Variants in CYRIA observed in about 807,000 individuals in gnomAD.
CYRIA encodes CYFIP-related Rac1 interactor A.
A neutral mutation model predicts 43.9 loss-of-function variants in CYRIA; 15 were observed. The ratio of observed to expected loss-of-function variants is 0.34; its 90% CI spans 0.23 to 0.53. The LOEUF is 0.53. Ranked by LOEUF, CYRIA falls within the 20% of genes least tolerant of loss-of-function variation. CYRIA has a pLI of 0.94. For missense variants in CYRIA, 236 were observed against 394.2 expected, an observed-to-expected ratio of 0.60 and a Z score of 3.40; for synonymous variants, 117 against 136.0, an observed-to-expected ratio of 0.86 and a Z score of 0.97.
At chr2:16,606,677 A>G (rs1668410398) in intron 2 of CYRIA, among the ~76,000 whole-genome samples, 1 of 152,146 alleles carries the variant, frequency 6.6e-6, no homozygotes, top group Non-Finnish European at 1.5e-5. Flanking sequence ...GCAGGTGGTA[A>G]AATACAACCT....
intron 2 of CYRIA, among the ~76,000 whole-genome samples, chr2:16,622,499 C>T (rs2342438): frequency 0.98 from 149,254 of 152,318 alleles, 73,142 homozygotes; most frequent in East Asian, 1. Flanking sequence ...AAGCTATATT[C>T]AAGTAGCTCT....
In CYRIA at chr2:16,629,886, C is replaced by A. The variant is rs200654744; in HGVS notation, c.-166-5867G>T. On this transcript the variant is annotated intron_variant, in intron 1 of 11. Transcript: ENST00000381323. ...ATGTTATTCTGGGGGATGCTTAAGA[C>A]CTAGAAAAGGAAAGGATTTGTCTGA... is the stretch of plus-strand genomic sequence containing the variant. Among the ~76,000 whole-genome samples the A allele has an allele frequency of 5.3e-5, 8 of 152,218 alleles. No homozygotes were observed. The East Asian group carries it at 1.5e-3, about 29-fold the overall frequency.
intron 10 of CYRIA, among the ~76,000 whole-genome samples, chr2:16,557,845 T>C (rs1173530538): frequency 6.6e-6 from 1 of 152,154 alleles, no homozygotes; most frequent in Non-Finnish European, 1.5e-5. Context: ...CAAATGGCTA[T>C]GGTAATGAGA....
At chr2:16,625,486 G>T (rs1669134014) in intron 1 of CYRIA, among the ~76,000 whole-genome samples, 1 of 152,218 alleles carries the variant, frequency 6.6e-6, no homozygotes, top group African/African-American at 2.4e-5. Flanking sequence ...GGCTTGATGA[G>T]AAAGTGATTT....
intron 3 of CYRIA, among the ~76,000 whole-genome samples, chr2:16,574,475 G>T (rs989320689): frequency 3.9e-5 from 6 of 152,236 alleles, no homozygotes; most frequent in Non-Finnish European, 7.3e-5. Flanking sequence ...CAACAATGGG[G>T]AAAATGTCTC....
chr2:16,597,186 G>A (rs1198474839), intron 2 of CYRIA, among the ~76,000 whole-genome samples: 1 of 102,876 alleles, frequency 9.7e-6, no homozygotes, highest in African/African-American at 5.3e-5. Context: ...GTGGTGTGGT[G>A]CTGAAAAAAA....
intron 2 of CYRIA, among the ~76,000 whole-genome samples, chr2:16,618,486 A>G (rs769562307): frequency 6.6e-6 from 1 of 152,170 alleles, no homozygotes; most frequent in Admixed American, 6.5e-5. Flanking sequence ...AGGAAGAACA[A>G]ATAGGGCCCC....
At chr2:16,653,995 CAA>C (rs1474487350) in intron 1 of CYRIA, among the ~76,000 whole-genome samples, 1 of 152,182 alleles carries the variant, frequency 6.6e-6, no homozygotes, top group Non-Finnish European at 1.5e-5. Context: ...TGGGAAGAGA[CAA>C]GAGGAAGTTG....
chr2:16,601,232 C>T (rs903782169), intron 2 of CYRIA, among the ~76,000 whole-genome samples: 2 of 151,938 alleles, frequency 1.3e-5, no homozygotes, highest in Non-Finnish European at 2.9e-5. Flanking sequence ...AGAGTTTGCT[C>T]GATAGAAGAA....
intron 3 of CYRIA, among the ~76,000 whole-genome samples, chr2:16,576,526 C>A (rs919441635): frequency 3.3e-5 from 5 of 152,172 alleles, no homozygotes; most frequent in Non-Finnish European, 7.3e-5. Flanking sequence ...TGTCCTCCTG[C>A]AACTGTCTCT....
intron 1 of CYRIA, among the ~76,000 whole-genome samples, chr2:16,634,491 G>C (rs6741412): frequency 0.44 from 66,865 of 152,050 alleles, 17,332 homozygotes; most frequent in East Asian, 0.94. Flanking sequence ...AAGACCAGAG[G>C]TATCCCATGA....
rs1669951172 is a variant in CYRIA, at chr2:16,650,706, C to A, written c.-167+15074G>T. Among the ~76,000 whole-genome samples the A allele has an allele frequency of 6.6e-6, 1 of 152,178 alleles. No individual in the cohort carries two copies. Among genetic ancestry groups the A allele is most frequent in the Non-Finnish European group, 1.5e-5 (1 of 68,042 alleles). On this transcript the variant is annotated intron_variant, in intron 1 of 11. Coordinates refer to ENST00000381323, the MANE Select transcript of CYRIA (RefSeq NM_030797.4). This position sits in a 1 kb window ranked among gnomAD's most constrained non-coding sequence, Gnocchi z 4.1. ...GCTCTGTGACAAGTATCTCAGAATG[C>A]CCATTACATGCCTGCAACCGGCACC...
intron 5 of CYRIA, among the ~76,000 whole-genome samples, chr2:16,563,756 A>T (rs1231662674): frequency 1.3e-5 from 2 of 152,206 alleles, no homozygotes; most frequent in Non-Finnish European, 2.9e-5. Context: ...AGGACCAAGA[A>T]GATACTCACT....
chr2:16,570,718 T>C (rs1315165499), intron 3 of CYRIA, among the ~76,000 whole-genome samples: 2 of 152,160 alleles, frequency 1.3e-5, no homozygotes, highest in African/African-American at 4.8e-5. Context: ...TGCTTGGCTT[T>C]TCTATTTTTA....
At chr2:16,632,445 G>A (rs1669353685) in intron 1 of CYRIA, among the ~76,000 whole-genome samples, 1 of 150,832 alleles carries the variant, frequency 6.6e-6, no homozygotes, top group Non-Finnish European at 1.5e-5. Flanking sequence ...GCCACCTCAG[G>A]GGAGTCATTA....
chr2:16,599,591 C>G (rs1318018166), intron 2 of CYRIA, among the ~76,000 whole-genome samples: 1 of 139,090 alleles, frequency 7.2e-6, no homozygotes, highest in Admixed American at 7.2e-5. Flanking sequence ...TGCTTCGGCT[C>G]GCGCACGGTG....
intron 1 of CYRIA, among the ~76,000 whole-genome samples, chr2:16,641,499 C>G (rs983744283): frequency 1.3e-5 from 2 of 152,210 alleles, no homozygotes; most frequent in African/African-American, 4.8e-5. Flanking sequence ...CCTTGACTCC[C>G]AGAGAAAATT....
At chr2:16,601,000 GC>G (rs1307106686) in intron 2 of CYRIA, among the ~76,000 whole-genome samples, 1 of 152,194 alleles carries the variant, frequency 6.6e-6, no homozygotes, top group African/African-American at 2.4e-5. Flanking sequence ...GGAGGCCCCT[GC>G]CTGGGGACTT....
intron 4 of CYRIA, among the ~76,000 whole-genome samples, chr2:16,564,595 A>G (rs759130333): frequency 6.6e-5 from 10 of 152,136 alleles, no homozygotes; most frequent in Non-Finnish European, 1.5e-4. Context: ...GAGTTTCAGC[A>G]ACTTGAGGAT....
Sources: gnomAD v4.1 joint callset for allele counts (sites outside exome capture counted in the v4.1 genomes callset) on GRCh38, gnomAD v4.1.1 for gene constraint, Gnocchi (gnomAD v3.1) non-coding constraint, MANE v1.5 for transcripts, NCBI Gene and HGNC (gene_info 2026-07-23, HGNC 2026-07-21) for gene names.